The following NAA35 variants were observed in gnomAD, a reference collection of about 807,000 sequenced individuals.
NAA35 encodes the protein MAK10 homolog, amino-acid N-acetyltransferase subunit.
Under a neutral mutation model 101.7 loss-of-function variants are expected in NAA35, and 18 were observed. The ratio of observed to expected loss-of-function variants is 0.18; its 90% CI spans 0.12 to 0.26. The LOEUF (loss-of-function observed/expected upper bound fraction) is 0.26, where lower values mean the gene tolerates loss of function less well. Among genes scored for constraint, NAA35 ranks in the 10% least tolerant of loss-of-function variants. The probability of loss-of-function intolerance (pLI) is 1.00; values close to 1 mark genes in which losing one functional copy is unlikely to be tolerated. For synonymous variants in NAA35, 267 were observed against 273.1 expected (o/e 0.98, Z 0.22); for missense variants, 601 against 886.8 (o/e 0.68, Z 4.09).
intron 21 of NAA35, among the ~76,000 whole-genome samples, chr9:86,019,923 CAG>C (rs2118515414): frequency 6.6e-6 from 1 of 152,222 alleles, no homozygotes; most frequent in African/African-American, 2.4e-5. Context: ...TATCCATCAA[CAG>C]GGGACTAATA....
chr9:85,969,443 G>A (rs1318024403), intron 6 of NAA35, among the ~76,000 whole-genome samples: 1 of 152,072 alleles, frequency 6.6e-6, no homozygotes, highest in Non-Finnish European at 1.5e-5. Flanking sequence ...TTCTGTTTGT[G>A]CATTGATCCC....
intron 2 of NAA35, among the ~76,000 whole-genome samples, chr9:85,947,463 G>T (rs961991837): frequency 6.6e-6 from 1 of 152,196 alleles, no homozygotes; most frequent in Non-Finnish European, 1.5e-5. Flanking sequence ...TAGGCAACAT[G>T]TAAAATTGTT....
chr9:85,941,828 T>A, intron 1 of NAA35: 1 of 1,036,944 alleles, frequency 9.6e-7, no homozygotes, highest in Non-Finnish European at 1.2e-6. Flanking sequence ...CTTTTGTGGC[T>A]ATTATTGAAA....
intron 11 of NAA35, among the ~76,000 whole-genome samples, chr9:85,987,400 C>T (rs896366306): frequency 2.6e-5 from 4 of 152,196 alleles, no homozygotes; most frequent in Admixed American, 2.6e-4. Context: ...GCTATTACAA[C>T]CCAGTCGGCT....
chr9:85,980,128 T>G (rs944034481), intron 11 of NAA35, among the ~76,000 whole-genome samples: 2 of 152,206 alleles, frequency 1.3e-5, no homozygotes, highest in African/African-American at 2.4e-5. Context: ...AGGATACAGA[T>G]GAAGAAATGC....
chr9:85,990,972 C>G (rs1484266270), intron 11 of NAA35, among the ~76,000 whole-genome samples: 1 of 152,106 alleles, frequency 6.6e-6, no homozygotes, highest in Non-Finnish European at 1.5e-5. Context: ...TTCAAGATAC[C>G]TTGAGAGCAT....
chr9:85,975,967 T>A (rs1304304118), intron 8 of NAA35, among the ~76,000 whole-genome samples: 1 of 152,180 alleles, frequency 6.6e-6, no homozygotes, highest in Non-Finnish European at 1.5e-5. Context: ...TTTCTACATT[T>A]TTTTTTTAAC....
intron 11 of NAA35, among the ~76,000 whole-genome samples, chr9:85,981,351 G>T (rs1194175478): frequency 6.6e-6 from 1 of 152,132 alleles, no homozygotes; most frequent in South Asian, 2.1e-4. Flanking sequence ...TGACTTCAAA[G>T]TAATTTGTTG....
rs759769406 is a variant in NAA35 at position 86,024,206 on chromosome 9, C to T, written c.*2246C>T. On this transcript the variant is annotated 3_prime_UTR_variant, in exon 23 of 23. Coordinates refer to ENST00000361671, the MANE Select transcript of NAA35 (RefSeq NM_024635.4). Reference sequence around the variant, plus strand: ...TATGCTGGGTAGGAGAACTGCCCCACGTGAAACTTTAGGTGACAAATCCCC... The same window carrying T: ...TATGCTGGGTAGGAGAACTGCCCCATGTGAAACTTTAGGTGACAAATCCCC... Among the ~76,000 whole-genome samples, 2 of 152,248 alleles carry T rather than the reference C, an allele frequency of 1.3e-5. No individual in the cohort carries two copies. The highest frequency in any genetic ancestry group is 1.5e-5 in the Non-Finnish European group (1 of 68,028).
rs117862840 is a variant in NAA35, at chr9:85,960,201, G to C, written c.348+334G>C. On this transcript the variant is annotated intron_variant, in intron 5 of 22. Transcript: ENST00000361671. ...ATAAGCATGGAATTGAAACAAAAGAGAGCTATTATGCAATGGCTTTGGAGA... is the reference window on the plus strand; with the variant it reads ...ATAAGCATGGAATTGAAACAAAAGACAGCTATTATGCAATGGCTTTGGAGA... Among the ~76,000 whole-genome samples the C allele has an allele frequency of 6.8e-3, 1,040 of 152,296 alleles. 5 individuals carry two copies. Among genetic ancestry groups the C allele is most frequent in the Non-Finnish European group, 0.012 (791 of 68,024 alleles).
intron 6 of NAA35, among the ~76,000 whole-genome samples, chr9:85,967,915 C>T (rs1829834624): frequency 6.6e-6 from 1 of 152,046 alleles, no homozygotes; most frequent in Non-Finnish European, 1.5e-5. Flanking sequence ...GAGACGTTTT[C>T]TGATTTCTTT....
intron 11 of NAA35, 59 bp from the exon 12 acceptor site, chr9:85,996,340 T>C: frequency 8.8e-7 from 1 of 1,136,204 alleles, no homozygotes; most frequent in Non-Finnish European, 1.3e-6. Context: ...TTAATAACAT[T>C]TGCAGTTTAA....
intron 6 of NAA35, among the ~76,000 whole-genome samples, chr9:85,963,365 GGT>G (rs1395045465): frequency 6.7e-6 from 1 of 150,294 alleles, no homozygotes; most frequent in Non-Finnish European, 1.5e-5. Flanking sequence ...CCATCTCCCG[GGT>G]TCAAGCTATT....
intron 11 of NAA35, among the ~76,000 whole-genome samples, chr9:85,985,616 A>G (rs865929818): frequency 6.6e-6 from 1 of 152,184 alleles, no homozygotes; most frequent in African/African-American, 2.4e-5. Flanking sequence ...GTGATTGCTA[A>G]TGGGTATAGA....
In NAA35 at chr9:86,018,271, A is replaced by G. The variant is rs1478049544; in HGVS notation, c.1790A>G (p.Asp597Gly). 2 of 1,613,032 alleles carry G rather than the reference A, an allele frequency of 1.2e-6. No homozygotes were observed. The highest frequency in any genetic ancestry group is 1.7e-6 in the Non-Finnish European group (2 of 1,179,320). The change falls in exon 20 of 23, where the codon GAC becomes GGC. Residue 597 changes from aspartate to glycine, a missense_variant. By Grantham distance (94) the Asp-to-Gly change is moderately conservative (BLOSUM62 -1). This residue lies in a region of NAA35 where 90 missense variants were observed against 108.7 expected (regional missense o/e 0.83). Transcript: ENST00000361671. Reference protein sequence around the residue: ...AGMFKTMVAFDMDGKVRKPKF... With the variant: ...AGMFKTMVAFGMDGKVRKPKF... Reference sequence around the variant, plus strand: ...TTCATTTAGACCATGGTAGCATTTGACATGGACGGCAAAGTACGTAAACCG... The same window carrying G: ...TTCATTTAGACCATGGTAGCATTTGGCATGGACGGCAAAGTACGTAAACCG...
intron 8 of NAA35, among the ~76,000 whole-genome samples, chr9:85,975,734 G>A (rs1158015036): frequency 6.6e-6 from 1 of 152,084 alleles, no homozygotes; most frequent in African/African-American, 2.4e-5. Flanking sequence ...CAGTGTTTTA[G>A]ATTTTTACTA....
chr9:85,953,590 T>C (rs546281078), intron 2 of NAA35, among the ~76,000 whole-genome samples: 1 of 151,924 alleles, frequency 6.6e-6, no homozygotes, highest in East Asian at 1.9e-4. Flanking sequence ...CATGCCTGGC[T>C]ACTTTTTGTA....
chr9:86,021,990 C>T lies in NAA35; in HGVS notation c.*30C>T, dbSNP rs1424897165. ...GACTGGGGAGGTGGCCATAAAGGGGCAGAGTCTTCTTTCAGACCCAACTCT... is the reference window on the plus strand; with the variant it reads ...GACTGGGGAGGTGGCCATAAAGGGGTAGAGTCTTCTTTCAGACCCAACTCT... On this transcript the variant is annotated 3_prime_UTR_variant, in exon 23 of 23. Coordinates refer to ENST00000361671, the MANE Select transcript of NAA35 (RefSeq NM_024635.4). The T allele has an allele frequency of 4.4e-6, 7 of 1,581,024 alleles. No individual in the cohort carries two copies. Among genetic ancestry groups the T allele is most frequent in the Non-Finnish European group, 6.1e-6 (7 of 1,152,068 alleles).
intron 11 of NAA35, chr9:85,986,673 C>CG: frequency 3.2e-6 from 1 of 312,706 alleles, no homozygotes; most frequent in Non-Finnish European, 6.2e-6. Flanking sequence ...CAACCTCTGC[C>CG]TCCCGGGTTC....
Sources: gnomAD v4.1 joint callset for allele counts (sites outside exome capture counted in the v4.1 genomes callset) on GRCh38, gnomAD v4.1.1 for gene constraint, gnomAD v4.1.1 regional missense constraint, MANE v1.5 for transcripts, NCBI Gene and HGNC (gene_info 2026-07-23, HGNC 2026-07-21) for gene names.